Variants in RUNX1T1 observed in about 807,000 individuals in gnomAD.
RUNX1T1 encodes the protein RUNX1 partner transcriptional co-repressor 1.
In RUNX1T1, 4 loss-of-function variants were observed where a neutral mutation model predicts 62.8. That is an observed-to-expected ratio of 0.06 (90% CI 0.03 to 0.15). RUNX1T1 has a LOEUF of 0.15. RUNX1T1 is among the 10% of genes least tolerant of loss of function. The pLI is 1.00. For missense variants in RUNX1T1, 508 were observed against 754.3 expected, an observed-to-expected ratio of 0.67 and a Z score of 3.82; for synonymous variants, 291 against 286.0, an observed-to-expected ratio of 1.02 and a Z score of -0.18.
upstream of RUNX1T1, among the ~76,000 whole-genome samples, chr8:92,065,027 A>G (rs1346827918): frequency 6.6e-6 from 1 of 152,132 alleles, no homozygotes; most frequent in Non-Finnish European, 1.5e-5. Context: ...CTAGTTCAGC[A>G]TTTTCTCAAG....
intron 1 of RUNX1T1, among the ~76,000 whole-genome samples, chr8:92,048,687 T>A (rs889840609): frequency 6.6e-6 from 1 of 152,020 alleles, no homozygotes; most frequent in Non-Finnish European, 1.5e-5. Flanking sequence ...CTTAAGTACA[T>A]TGTATCTCGT....
upstream of RUNX1T1, chr8:92,102,965 G>A: frequency 6.9e-7 from 1 of 1,449,604 alleles, no homozygotes; most frequent in Non-Finnish European, 9.1e-7. The surrounding 1 kb of genome is among the most constrained non-coding windows in gnomAD (Gnocchi z 4.5). Flanking sequence ...GACGCGGCGC[G>A]GCTTCCCTCG....
chr8:92,077,459 G>A lies in RUNX1T1; in HGVS notation c.-85-1322C>T, dbSNP rs577253945. 4.6e-5 allele frequency among the ~76,000 whole-genome samples: 7 copies of A among 152,090 alleles called. No homozygotes were observed. In the East Asian group the frequency reaches 1.2e-3, roughly 25 times the overall value. ...TGGAGTGGGGGAGGGTGCACACAGC[G>A]GGGAAGACTGAAAGTAAATACATCT... On this transcript the variant is annotated intron_variant, in intron 1 of 11. Coordinates refer to the RUNX1T1 transcript ENST00000265814.
intron 1 of RUNX1T1, among the ~76,000 whole-genome samples, chr8:92,076,765 T>C (rs906449520): frequency 6.6e-6 from 1 of 152,118 alleles, no homozygotes; most frequent in Admixed American, 6.5e-5. Context: ...TTCCTTTTAA[T>C]AATATAAATT....
chr8:92,057,693 T>A (rs1208648775), intron 1 of RUNX1T1, among the ~76,000 whole-genome samples: 1 of 152,176 alleles, frequency 6.6e-6, no homozygotes, highest in Non-Finnish European at 1.5e-5. Context: ...TACATTAATA[T>A]TAATTAATGC....
upstream of RUNX1T1, chr8:92,102,948 G>A (rs558459647): frequency 1.6e-5 from 24 of 1,486,372 alleles, no homozygotes; most frequent in African/African-American, 2.7e-4. The surrounding 1 kb of genome is among the most constrained non-coding windows in gnomAD (Gnocchi z 4.5). Flanking sequence ...CGGGGCGACG[G>A]GGCGAGGACG....
At chr8:92,021,649 C>G (rs1244844324) in intron 1 of RUNX1T1, among the ~76,000 whole-genome samples, 4 of 151,986 alleles carry the variant, frequency 2.6e-5, no homozygotes, top group African/African-American at 9.7e-5. Flanking sequence ...AGCCTCAGTC[C>G]CTCATCAGAA....
intron 8 of RUNX1T1, among the ~76,000 whole-genome samples, chr8:91,979,190 T>G (rs1469025954): frequency 2.6e-5 from 4 of 152,140 alleles, no homozygotes; most frequent in African/African-American, 9.7e-5. Flanking sequence ...AGAAACCAAA[T>G]GACTAATACA....
At chr8:91,971,512 G>A (rs56039663) in intron 9 of RUNX1T1, among the ~76,000 whole-genome samples, 195 of 152,284 alleles carry the variant, frequency 1.3e-3, no homozygotes, top group Non-Finnish European at 2.1e-3. Context: ...TAGCAATTAA[G>A]TTACTATAGA....
rs185728483 is a variant in RUNX1T1 at position 92,010,662 on chromosome 8, A to T, written c.477+340T>A. On this transcript the variant is annotated intron_variant, in intron 4 of 10. Coordinates refer to ENST00000396218, the Ensembl canonical transcript of RUNX1T1. ...AAGATAAAATTAGGAGGATAAAAAA[A>T]TCCTGAACAACTACAAAGCTCAACC... is the stretch of plus-strand genomic sequence containing the variant. The T allele has an allele frequency of 3.2e-4, 55 of 171,998 alleles. 1 individual carries two copies. The highest frequency in any genetic ancestry group is 1.3e-3 in the African/African-American group (53 of 42,376). The allele number at this position is 171,998 out of a possible 1,614,324, so 10.7% of individuals were successfully genotyped here.
intron 2 of RUNX1T1, among the ~76,000 whole-genome samples, chr8:92,072,874 G>A (rs1563902405): frequency 6.6e-6 from 1 of 152,086 alleles, no homozygotes; most frequent in Non-Finnish European, 1.5e-5. Context: ...AAGGTGCACA[G>A]CATCATCTAT....
chr8:92,084,956 A>G (rs1312621688), intron 1 of RUNX1T1, among the ~76,000 whole-genome samples: 1 of 152,226 alleles, frequency 6.6e-6, no homozygotes, highest in African/African-American at 2.4e-5. Flanking sequence ...GGGTTTAGAG[A>G]AGGAAGTGAT....
At chr8:92,095,366 G>A (rs1837638672) in intron 1 of RUNX1T1, 2 of 1,535,370 alleles carry the variant, frequency 1.3e-6, no homozygotes, top group Non-Finnish European at 1.7e-6. Context: ...AAGGAGCGCG[G>A]GAGAGCGGCC....
At chr8:91,955,874 A>G (rs1442648988), downstream of RUNX1T1, 1 of 228,590 alleles carries the variant, frequency 4.4e-6, no homozygotes, top group Non-Finnish European at 8.7e-6. Flanking sequence ...CAAACTTTGT[A>G]ACTAGAGAAT....
chr8:92,076,304 T>C (rs779082140), intron 1 of RUNX1T1, among the ~76,000 whole-genome samples, 167 bp from the exon 2 acceptor site: 1 of 152,046 alleles, frequency 6.6e-6, no homozygotes, highest in Non-Finnish European at 1.5e-5. Context: ...ACAATCCCCA[T>C]TGTCTCAGTT....
At chr8:91,962,854 CT>C (rs1411115366) in intron 10 of RUNX1T1, among the ~76,000 whole-genome samples, 2 of 152,192 alleles carry the variant, frequency 1.3e-5, no homozygotes, top group South Asian at 2.1e-4. Context: ...AGGAAATACC[CT>C]GGTGTGAGTC....
At chr8:91,978,644 GC>G (rs1436717198) in intron 8 of RUNX1T1, among the ~76,000 whole-genome samples, 3 of 152,112 alleles carry the variant, frequency 2.0e-5, no homozygotes, top group Non-Finnish European at 4.4e-5. Flanking sequence ...ACAATTCACT[GC>G]CTTTGTCCTT....
At chr8:92,020,050 T>C (rs1419871555) in intron 1 of RUNX1T1, among the ~76,000 whole-genome samples, 2 of 152,214 alleles carry the variant, frequency 1.3e-5, no homozygotes, top group Non-Finnish European at 2.9e-5. Context: ...AGCTTCACTC[T>C]GATCAAATGG....
At chr8:92,095,077 GC>G in intron 1 of RUNX1T1, 1 of 1,535,648 alleles carries the variant, frequency 6.5e-7, no homozygotes, top group South Asian at 1.2e-5. Flanking sequence ...TAGCGTCAAG[GC>G]CAGGGGTAGA....
Sources: allele counts gnomAD v4.1 joint callset (sites outside exome capture counted in the v4.1 genomes callset), GRCh38; gene constraint gnomAD v4.1.1; non-coding constraint Gnocchi (gnomAD v3.1); transcripts MANE v1.5; gene names NCBI Gene and HGNC (gene_info 2026-07-23, HGNC 2026-07-21).